DDO: variants seen among roughly 807,000 people sequenced by gnomAD.
DDO encodes D-aspartate oxidase, also known as D-aspartate oxidase, DDO.
DDO carries 16 observed loss-of-function variants against 16.8 expected under a neutral mutation model. The ratio of observed to expected loss-of-function variants is 0.95; its 90% confidence interval spans 0.65 to 1.45. DDO has a LOEUF of 1.45. Among genes scored for constraint, DDO ranks in the 40% most tolerant of loss-of-function variants. DDO has a pLI of 0.00. For missense variants in DDO, 429 were observed against 420.3 expected, an observed-to-expected ratio of 1.02 and a Z score of -0.18; for synonymous variants, 180 against 167.2, an observed-to-expected ratio of 1.08 and a Z score of -0.59.
At chr6:110,391,202 A>T (rs774343069), downstream of DDO, among the ~76,000 whole-genome samples, 4 of 152,188 alleles carry the variant, frequency 2.6e-5, no homozygotes, top group Non-Finnish European at 4.4e-5. Context: ...GCAACAGTAA[A>T]GCTGTAGCTG....
chr6:110,399,720 G>A (rs112613253), intron 4 of DDO, among the ~76,000 whole-genome samples: 7 of 152,366 alleles, frequency 4.6e-5, no homozygotes, highest in African/African-American at 1.4e-4. Context: ...GCCACCGGGC[G>A]CTGTCTGTGG....
chr6:110,395,085 G>T (rs901724108), intron 4 of DDO, among the ~76,000 whole-genome samples: 7 of 152,162 alleles, frequency 4.6e-5, no homozygotes, highest in Admixed American at 3.3e-4. Context: ...TTGGGCTATG[G>T]GGTGCTCAGA....
intron 3 of DDO, among the ~76,000 whole-genome samples, chr6:110,406,054 C>A (rs930861786): frequency 1.3e-5 from 2 of 152,152 alleles, no homozygotes; most frequent in Non-Finnish European, 2.9e-5. Context: ...TCCTTTACTG[C>A]AGGGTTCTGT....
chr6:110,398,636 G>A (rs1011548973), intron 4 of DDO, among the ~76,000 whole-genome samples: 1 of 152,158 alleles, frequency 6.6e-6, no homozygotes, highest in Non-Finnish European at 1.5e-5. Flanking sequence ...GGGCAGACAT[G>A]GCTGGCTAAT....
chr6:110,401,067 C>T (rs1201250945), intron 4 of DDO, among the ~76,000 whole-genome samples: 1 of 152,206 alleles, frequency 6.6e-6, no homozygotes, highest in Non-Finnish European at 1.5e-5. Flanking sequence ...CAAGGAGTGG[C>T]CAAGGACAAC....
intron 2 of DDO, among the ~76,000 whole-genome samples, chr6:110,410,437 T>C (rs574803018): frequency 6.6e-6 from 1 of 152,374 alleles, no homozygotes; most frequent in South Asian, 2.1e-4. Flanking sequence ...TGTATTAGTC[T>C]GTTCTCACAC....
At chr6:110,410,282 C>T (rs1773808841) in intron 2 of DDO, among the ~76,000 whole-genome samples, 1 of 152,216 alleles carries the variant, frequency 6.6e-6, no homozygotes, top group Admixed American at 6.5e-5. Context: ...TATGAGCCCT[C>T]AGATGAGTGA....
chr6:110,392,097 C>G lies in DDO; in HGVS notation c.*678G>C. On this transcript the variant is annotated 3_prime_UTR_variant, in exon 5 of 5. Transcript: ENST00000368924. ...TCATCTCTGTCTCCTACCATCATTA[C>G]CAGCTGAGGGGAGGAAAAGCTTGCT... 5.2e-6 allele frequency: 4 copies of G among 764,420 alleles called. No homozygotes were observed. Among genetic ancestry groups the G allele is most frequent in the Non-Finnish European group, 6.4e-6 (4 of 628,252 alleles). The allele number at this position is 764,420 out of a possible 1,614,324, so 47.4% of individuals were successfully genotyped here.
At chr6:110,405,467 A>C (rs927934735) in intron 3 of DDO, among the ~76,000 whole-genome samples, 2 of 152,250 alleles carry the variant, frequency 1.3e-5, no homozygotes, top group Non-Finnish European at 2.9e-5. Flanking sequence ...AACATCTTAA[A>C]AGTAACATGC....
intron 2 of DDO, among the ~76,000 whole-genome samples, chr6:110,412,034 C>G (rs891760600): frequency 1.3e-5 from 2 of 152,056 alleles, no homozygotes; most frequent in Non-Finnish European, 2.9e-5. Context: ...GATTGGGAGG[C>G]CAGGAGTTTG....
At chr6:110,407,078 C>A (rs932223685) in intron 3 of DDO, among the ~76,000 whole-genome samples, 4 of 152,098 alleles carry the variant, frequency 2.6e-5, no homozygotes, top group Admixed American at 2.0e-4. Flanking sequence ...TAAGAAAGAA[C>A]CTGATACTGA....
At chr6:110,405,357 A>G (rs1035820324) in intron 3 of DDO, among the ~76,000 whole-genome samples, 3 of 152,242 alleles carry the variant, frequency 2.0e-5, no homozygotes, top group Non-Finnish European at 4.4e-5. Flanking sequence ...TTAAAAATTT[A>G]GTTTCTATAA....
chr6:110,412,629 G>A (rs942225550), intron 2 of DDO, among the ~76,000 whole-genome samples: 1 of 152,220 alleles, frequency 6.6e-6, no homozygotes, highest in African/African-American at 2.4e-5. Context: ...GAACCTCAGA[G>A]GTCCCCTCCC....
intron 4 of DDO, among the ~76,000 whole-genome samples, chr6:110,394,050 C>T (rs930668408): frequency 1.3e-5 from 2 of 152,140 alleles, no homozygotes; most frequent in Non-Finnish European, 2.9e-5. Context: ...GTATTAAGCA[C>T]ATTTACCTTG....
chr6:110,389,031 A>G (rs2114800048), downstream of DDO, among the ~76,000 whole-genome samples: 1 of 152,352 alleles, frequency 6.6e-6, no homozygotes, highest in East Asian at 1.9e-4. Flanking sequence ...TTCTGGGTGT[A>G]TATATGAGGA....
At chr6:110,413,145 A>G in intron 2 of DDO, 146 bp downstream of exon 2, 1 of 981,796 alleles carries the variant, frequency 1.0e-6, no homozygotes, top group Non-Finnish European at 1.5e-6. Flanking sequence ...CCTGTCTCAA[A>G]AAAAGAGAAA....
chr6:110,411,135 C>G (rs887240289), intron 2 of DDO, among the ~76,000 whole-genome samples: 1 of 152,096 alleles, frequency 6.6e-6, no homozygotes, highest in Admixed American at 6.6e-5. Flanking sequence ...GACATGGAAC[C>G]CTCTTCCCTG....
At chr6:110,394,075 T>C (rs912488685) in intron 4 of DDO, among the ~76,000 whole-genome samples, 4 of 152,144 alleles carry the variant, frequency 2.6e-5, no homozygotes, top group African/African-American at 9.7e-5. Flanking sequence ...GCAACCGCCA[T>C]CACCATCCAT....
chr6:110,399,468 C>T (rs1476534967), intron 4 of DDO, among the ~76,000 whole-genome samples: 1 of 152,244 alleles, frequency 6.6e-6, no homozygotes, highest in Non-Finnish European at 1.5e-5. Context: ...ATGTGGGTCG[C>T]CTGGCGGGAG....
Sources: allele counts gnomAD v4.1 joint callset (sites outside exome capture counted in the v4.1 genomes callset), GRCh38; gene constraint gnomAD v4.1.1; transcripts MANE v1.5; gene names NCBI Gene and HGNC (gene_info 2026-07-23, HGNC 2026-07-21).